Variants in TRPM6 observed in about 807,000 individuals in gnomAD.
TRPM6 encodes the protein channel kinase 2.
TRPM6 carries 111 observed loss-of-function variants against 247.6 expected under a neutral mutation model. The ratio of observed to expected loss-of-function variants is 0.45; its 90% CI spans 0.38 to 0.52. The LOEUF is 0.52. Ranked by LOEUF, TRPM6 falls within the 20% of genes least tolerant of loss-of-function variation. The pLI is 0.00. For synonymous variants in TRPM6, 892 were observed against 853.8 expected (o/e 1.04, Z -0.78); for missense variants, 2,126 against 2,421.5 (o/e 0.88, Z 2.56).
chr9:74,729,841 A>G (rs1825462871), intron 37 of TRPM6, among the ~76,000 whole-genome samples: 1 of 152,210 alleles, frequency 6.6e-6, no homozygotes, highest in African/African-American at 2.4e-5. Flanking sequence ...TTTGCTTTCC[A>G]TACCTGCCAT....
chr9:74,765,152 T>A (rs2118853930), intron 25 of TRPM6, among the ~76,000 whole-genome samples: 1 of 152,314 alleles, frequency 6.6e-6, no homozygotes, highest in East Asian at 1.9e-4. Flanking sequence ...ATATTATGCA[T>A]CCATTAAAAA....
chr9:74,820,924 G>C (rs1265496729), intron 8 of TRPM6, among the ~76,000 whole-genome samples: 1 of 152,108 alleles, frequency 6.6e-6, no homozygotes, highest in Non-Finnish European at 1.5e-5. Flanking sequence ...CACACATCCA[G>C]GATGATTTTA....
chr9:74,833,957 C>A, intron 6 of TRPM6, 41 bp downstream of exon 6: 3 of 1,611,816 alleles, frequency 1.9e-6, no homozygotes, highest in Middle Eastern at 3.3e-4. Context: ...AATTTGCACA[C>A]GTGTTCGTTT....
chr9:74,762,306 C>A lies in TRPM6; in HGVS notation c.4365G>T (p.Trp1455Cys). The A allele has an allele frequency of 3.1e-6, 5 of 1,614,192 alleles. No individual in the cohort carries two copies. Among genetic ancestry groups the A allele is most frequent in the Non-Finnish European group, 4.2e-6 (5 of 1,180,040 alleles). ...IMQTGGGYVN[W>C]AFSEGDETGV... ...CAGTTTCATCACCTTCTGAAAATGC[C>A]CAGTTTACATATCCACCTCCAGTTT... Residue 1455 changes from tryptophan (W) to cysteine (C), a missense_variant, in exon 26 of 39, where the codon TGG (tryptophan) becomes TGT (cysteine). Transcript: ENST00000360774.
intron 1 of TRPM6, among the ~76,000 whole-genome samples, chr9:74,862,950 C>G (rs2118396244): frequency 6.6e-6 from 1 of 151,352 alleles, no homozygotes; most frequent in African/African-American, 2.4e-5. Context: ...CACTGCACTC[C>G]AGCCTGGGTG....
chr9:74,785,725 C>T (rs113730181), intron 21 of TRPM6, 149 bp downstream of exon 21: 5 of 871,720 alleles, frequency 5.7e-6, no homozygotes, highest in South Asian at 1.4e-5. Flanking sequence ...GGGTTTCACC[C>T]TGTTAGCCAG....
At chr9:74,745,421 AATAAAT>A (rs1353002575) in intron 31 of TRPM6, among the ~76,000 whole-genome samples, 1 of 152,160 alleles carries the variant, frequency 6.6e-6, no homozygotes, top group African/African-American at 2.4e-5. Flanking sequence ...GGAAATAGAA[AATAAAT>A]ATATAGTGCA....
chr9:74,779,730 G>A (rs1827351027), intron 23 of TRPM6, among the ~76,000 whole-genome samples: 1 of 152,246 alleles, frequency 6.6e-6, no homozygotes, highest in Admixed American at 6.5e-5. Flanking sequence ...ACGAGAAGAG[G>A]TGAGGAAGTG....
At chr9:74,821,537 C>T in intron 8 of TRPM6, 132 bp downstream of exon 8, 1 of 1,086,414 alleles carries the variant, frequency 9.2e-7, no homozygotes, top group Admixed American at 1.9e-5. Flanking sequence ...AACACAGTCA[C>T]TGAGAAATGA....
At chr9:74,726,595 T>G (rs1349741057) in intron 38 of TRPM6, among the ~76,000 whole-genome samples, 1 of 152,208 alleles carries the variant, frequency 6.6e-6, no homozygotes, top group Non-Finnish European at 1.5e-5. Context: ...GACCACTAAC[T>G]GAGCTCAAGG....
intron 3 of TRPM6, among the ~76,000 whole-genome samples, chr9:74,848,053 G>A (rs1187696842): frequency 6.6e-6 from 1 of 152,108 alleles, no homozygotes; most frequent in African/African-American, 2.4e-5. Context: ...TGGCCCTGTG[G>A]CCATAATTTT....
chr9:74,746,112 T>G (rs141329303), intron 31 of TRPM6, among the ~76,000 whole-genome samples: 1,809 of 151,848 alleles, frequency 0.012, 29 homozygotes, highest in African/African-American at 0.042. Flanking sequence ...CGTGGTGGGT[T>G]CCTGTAGTCC....
chr9:74,819,075 A>G (rs1167279111), intron 9 of TRPM6, among the ~76,000 whole-genome samples: 1 of 152,176 alleles, frequency 6.6e-6, no homozygotes, highest in Non-Finnish European at 1.5e-5. Flanking sequence ...TGGGAGGCCG[A>G]GACAGGCAGA....
intron 18 of TRPM6, among the ~76,000 whole-genome samples, chr9:74,795,820 A>G (rs1355682017): frequency 6.6e-6 from 1 of 152,234 alleles, no homozygotes; most frequent in African/African-American, 2.4e-5. Flanking sequence ...AAATTTCAGT[A>G]AGGAGTTTTA....
intron 18 of TRPM6, among the ~76,000 whole-genome samples, chr9:74,793,732 G>C (rs1827985360): frequency 6.6e-6 from 1 of 152,178 alleles, no homozygotes; most frequent in African/African-American, 2.4e-5. Context: ...CAGAGGGTCT[G>C]TTTGCCTGCA....
intron 8 of TRPM6, among the ~76,000 whole-genome samples, chr9:74,820,721 C>A (rs1431752977): frequency 2.0e-5 from 3 of 152,110 alleles, no homozygotes; most frequent in Non-Finnish European, 2.9e-5. Context: ...GGCAAAATAG[C>A]AAGACCCTGC....
intron 31 of TRPM6, among the ~76,000 whole-genome samples, chr9:74,747,537 A>AC (rs1186814743): frequency 7.9e-5 from 12 of 152,302 alleles, no homozygotes; most frequent in African/African-American, 2.9e-4. Flanking sequence ...AGGAAAAGGC[A>AC]CCCATATAAC....
At chr9:74,793,936 G>A (rs1386518742) in intron 18 of TRPM6, among the ~76,000 whole-genome samples, 1 of 152,166 alleles carries the variant, frequency 6.6e-6, no homozygotes, top group Non-Finnish European at 1.5e-5. Flanking sequence ...AGCAGGAGTT[G>A]CCTGAATGTG....
intron 1 of TRPM6, among the ~76,000 whole-genome samples, chr9:74,869,165 G>C (rs531883670): frequency 2.0e-4 from 30 of 152,178 alleles, no homozygotes; most frequent in Non-Finnish European, 3.7e-4. Flanking sequence ...GTTAGTGTAA[G>C]ATTCTCTTGG....
Sources: allele counts gnomAD v4.1 joint callset (sites outside exome capture counted in the v4.1 genomes callset), GRCh38; gene constraint gnomAD v4.1.1; transcripts MANE v1.5; gene names NCBI Gene and HGNC (gene_info 2026-07-23, HGNC 2026-07-21).